The following ZSWIM6 variants were observed in gnomAD, a reference collection of about 807,000 sequenced individuals.
ZSWIM6 encodes the protein zinc finger SWIM-type containing 6.
Under a neutral mutation model 113.2 loss-of-function variants are expected in ZSWIM6, and 9 were observed. That is an observed-to-expected ratio of 0.08 (90% CI 0.05 to 0.14). The LOEUF is 0.14. ZSWIM6 is among the 10% of genes least tolerant of loss of function. The pLI, the probability that ZSWIM6 is intolerant of heterozygous loss-of-function variation, is 1.00. For synonymous variants in ZSWIM6, 611 were observed against 606.5 expected, an observed-to-expected ratio of 1.01 and a Z score of -0.11; for missense variants, 1,162 against 1,552.2, an observed-to-expected ratio of 0.75 and a Z score of 4.22.
intron 1 of ZSWIM6, among the ~76,000 whole-genome samples, chr5:61,367,526 G>A (rs1336601683): frequency 6.6e-6 from 1 of 152,146 alleles, no homozygotes; most frequent in Non-Finnish European, 1.5e-5. Context: ...TGATTTACAG[G>A]CATGAGCCAC....
At chr5:61,532,711 T>C (rs1275334097) in intron 9 of ZSWIM6, among the ~76,000 whole-genome samples, 2 of 152,228 alleles carry the variant, frequency 1.3e-5, no homozygotes, top group Non-Finnish European at 2.9e-5. Context: ...TAAACCTTCT[T>C]AATAGCATGC....
intron 5 of ZSWIM6, among the ~76,000 whole-genome samples, chr5:61,522,403 A>G (rs913463928): frequency 5.9e-5 from 9 of 152,214 alleles, no homozygotes; most frequent in African/African-American, 2.2e-4. Flanking sequence ...ATTCAGAGTC[A>G]AGACTACATT....
At position 61,370,693 on chromosome 5, in the gene ZSWIM6, G is replaced by A. The variant is rs148583975; in HGVS notation, c.676+37745G>A. On this transcript the variant is annotated intron_variant, in intron 1 of 13. Coordinates refer to ENST00000252744, the MANE Select transcript of ZSWIM6 (RefSeq NM_020928.2). Reference sequence around the variant, plus strand: ...CCTTTAATATAGACTTCCAGAAGAGGAAATGGTGGGCCAAAGGGCATGTTG... The same window carrying A: ...CCTTTAATATAGACTTCCAGAAGAGAAAATGGTGGGCCAAAGGGCATGTTG... Among the ~76,000 whole-genome samples the A allele has an allele frequency of 1.4e-4, 22 of 152,318 alleles. 2 individuals carry two copies. In the East Asian group the frequency reaches 4.0e-3, roughly 28 times the overall value.
chr5:61,465,027 G>A (rs1333107179), intron 1 of ZSWIM6, among the ~76,000 whole-genome samples: 2 of 152,176 alleles, frequency 1.3e-5, no homozygotes, highest in Non-Finnish European at 2.9e-5. Flanking sequence ...TGTGGGGTGT[G>A]CAGGTGACAA....
chr5:61,392,595 A>T (rs562327946), intron 1 of ZSWIM6, among the ~76,000 whole-genome samples: 3 of 152,154 alleles, frequency 2.0e-5, no homozygotes, highest in Admixed American at 2.0e-4. Context: ...ATAACTTCAC[A>T]TTCTGTTTAC....
chr5:61,383,588 T>G (rs1459504480), intron 1 of ZSWIM6, among the ~76,000 whole-genome samples: 1 of 151,840 alleles, frequency 6.6e-6, no homozygotes, highest in African/African-American at 2.4e-5. Context: ...CAGGCTGGAG[T>G]GCAGTGGTGC....
Position 61,526,246 on chromosome 5 carries a change from T to C in ZSWIM6, c.1691-4T>C. The C allele has an allele frequency of 6.5e-7, 1 of 1,546,340 alleles. No individual in the cohort carries two copies. The highest frequency in any genetic ancestry group is 1.2e-5 in the South Asian group (1 of 82,818). ...AACTTTACCCCCTTGACTTTCTGTT[T>C]TAGAACATGTTCCTACAGCCTGTGC... On this transcript the variant is annotated splice_region_variant and splice_polypyrimidine_tract_variant and intron_variant, in intron 6 of 13. Coordinates refer to ENST00000252744, the MANE Select transcript of ZSWIM6 (RefSeq NM_020928.2).
chr5:61,400,063 C>T (rs184199349), intron 1 of ZSWIM6, among the ~76,000 whole-genome samples: 5 of 152,200 alleles, frequency 3.3e-5, no homozygotes, highest in African/African-American at 7.2e-5. Flanking sequence ...CTTGACAGGT[C>T]GCCATTACAT....
chr5:61,494,124 AC>A, intron 3 of ZSWIM6, 135 bp from the exon 4 acceptor site: 1 of 417,086 alleles, frequency 2.4e-6, no homozygotes, highest in Non-Finnish European at 3.7e-6. Flanking sequence ...ATCCTCCACC[AC>A]ACACACACAC....
intron 4 of ZSWIM6, among the ~76,000 whole-genome samples, chr5:61,514,149 T>C (rs984846315): frequency 6.6e-6 from 1 of 152,128 alleles, no homozygotes; most frequent in Non-Finnish European, 1.5e-5. Flanking sequence ...ACTGCACATG[T>C]TTTCTTAGAA....
Position 61,494,245 on chromosome 5 carries a change from G to C in ZSWIM6, c.1183-15G>C. 6.5e-7 allele frequency: 1 copy of C among 1,548,808 alleles called. No homozygotes were observed. Among genetic ancestry groups the C allele is most frequent in the Non-Finnish European group, 8.7e-7 (1 of 1,144,922 alleles). On this transcript the variant is annotated splice_polypyrimidine_tract_variant and intron_variant, in intron 3 of 13. Transcript: ENST00000252744. ...GTTTTGAACAATTTTCTAAAGGTCT[G>C]TTTTTCCCCATTAGGTGCGGGAGAT...
chr5:61,429,120 A>G (rs1472636215), intron 1 of ZSWIM6, among the ~76,000 whole-genome samples: 1 of 152,258 alleles, frequency 6.6e-6, no homozygotes, highest in Non-Finnish European at 1.5e-5. Flanking sequence ...TTGGGGGGAC[A>G]GTCAAGTGTT....
In ZSWIM6 at chr5:61,340,000, A is replaced by G. The variant is rs79279905; in HGVS notation, c.676+7052A>G. Among the ~76,000 whole-genome samples, 304 of 152,316 alleles carry G rather than the reference A, an allele frequency of 2.0e-3. 2 individuals are homozygous for G. The highest frequency in any genetic ancestry group is 5.0e-3 in the Admixed American group (76 of 15,302). On this transcript the variant is annotated intron_variant, in intron 1 of 13. Coordinates refer to ENST00000252744, the MANE Select transcript of ZSWIM6 (RefSeq NM_020928.2). ...TTGTGAAGAGACGTTTTGTTTGTCAATCCTACCCAGATCTCAAAAGTAAAG... is the reference window on the plus strand; with the variant it reads ...TTGTGAAGAGACGTTTTGTTTGTCAGTCCTACCCAGATCTCAAAAGTAAAG...
At chr5:61,509,199 ATT>A (rs1748709060) in intron 4 of ZSWIM6, among the ~76,000 whole-genome samples, 1 of 152,144 alleles carries the variant, frequency 6.6e-6, no homozygotes, top group Admixed American at 6.6e-5. Context: ...ATACATTTTC[ATT>A]TTTCATAATA....
chr5:61,333,009 G>GGGGGGGGCGCC, intron 1 of ZSWIM6, 61 bp downstream of exon 1: 1 of 439,906 alleles, frequency 2.3e-6, no homozygotes, highest in Non-Finnish European at 3.2e-6. Context: ...TGGGGGGGGG[G>GGGGGGGGCGCC]TGCCCGCCTT....
At chr5:61,442,178 G>C (rs1350622018) in intron 1 of ZSWIM6, among the ~76,000 whole-genome samples, 2 of 151,816 alleles carry the variant, frequency 1.3e-5, no homozygotes, top group Non-Finnish European at 2.9e-5. Context: ...CCTTGAGACT[G>C]TTTGGGAGGT....
chr5:61,460,969 A>C (rs1747312218), intron 1 of ZSWIM6, among the ~76,000 whole-genome samples: 1 of 152,126 alleles, frequency 6.6e-6, no homozygotes, highest in Non-Finnish European at 1.5e-5. Context: ...AAATTTTGCC[A>C]GCTGTATAGA....
intron 1 of ZSWIM6, among the ~76,000 whole-genome samples, chr5:61,371,467 G>T (rs1579958603): frequency 6.6e-6 from 1 of 152,188 alleles, no homozygotes; most frequent in East Asian, 1.9e-4. Context: ...TTATTTTAAA[G>T]AGAAGCACGT....
intron 1 of ZSWIM6, among the ~76,000 whole-genome samples, chr5:61,374,696 G>A (rs1745331836): frequency 6.6e-6 from 1 of 152,096 alleles, no homozygotes. Flanking sequence ...TGGGACTACA[G>A]GCGCTCGCCA....
Sources: gnomAD v4.1 joint callset for allele counts (sites outside exome capture counted in the v4.1 genomes callset) on GRCh38, gnomAD v4.1.1 for gene constraint, MANE v1.5 for transcripts, NCBI Gene and HGNC (gene_info 2026-07-23, HGNC 2026-07-21) for gene names.